Variants in SYN2 observed in about 807,000 individuals in gnomAD.
The protein encoded by SYN2 is synapsin II.
Under a neutral mutation model 50.9 loss-of-function variants are expected in SYN2, and 19 were observed. The ratio of observed to expected loss-of-function variants is 0.37; its 90% CI spans 0.26 to 0.55. The LOEUF (loss-of-function observed/expected upper bound fraction) is 0.55, where lower values mean the gene tolerates loss of function less well. SYN2 is among the 20% of genes least tolerant of loss of function. The pLI, the probability that SYN2 is intolerant of heterozygous loss-of-function variation, is 0.81. For missense variants in SYN2, 587 were observed against 576.4 expected (o/e 1.02, Z -0.19); for synonymous variants, 255 against 224.9 (o/e 1.13, Z -1.20).
At position 12,169,905 on chromosome 3, in the gene SYN2, A is replaced by G. The variant is rs1163511478; in HGVS notation, c.1307A>G (p.Gln436Arg). ...PQRPLTTQQP[Q>R]SGTLKDPDSS... Reference sequence around the variant, plus strand: ...AGACCCCTAACAACCCAGCAGCCACAGGTAAGCAGCTAGGAAGAGACATAG... The same window carrying G: ...AGACCCCTAACAACCCAGCAGCCACGGGTAAGCAGCTAGGAAGAGACATAG... Residue 436 changes from glutamine (Q) to arginine (R), a missense_variant and splice_region_variant, in exon 10 of 13, where the codon CAG (glutamine) becomes CGG (arginine). Transcript: ENST00000621198. 4 of 1,606,180 alleles carry G rather than the reference A, an allele frequency of 2.5e-6. No homozygotes were observed. In the Admixed American group the frequency reaches 6.8e-5, roughly 27 times the overall value.
intron 9 of SYN2, 26 bp from the exon 10 acceptor site, chr3:12,169,731 C>T (rs1175515469): frequency 1.2e-6 from 2 of 1,612,698 alleles, no homozygotes; most frequent in South Asian, 1.1e-5. Flanking sequence ...GACCCCTTTC[C>T]TCACCTGGGA....
intron 6 of SYN2, 110 bp downstream of exon 6, chr3:12,161,718 AAG>A (rs1697653969): frequency 5.2e-6 from 7 of 1,341,188 alleles, no homozygotes; most frequent in Non-Finnish European, 7.3e-6. Context: ...ATTCTTTCCA[AAG>A]AGAAGATGAT....
chr3:12,123,592 G>A (rs550841085), intron 1 of SYN2, among the ~76,000 whole-genome samples: 1 of 152,224 alleles, frequency 6.6e-6, no homozygotes, highest in South Asian at 2.1e-4. Flanking sequence ...AATGTAGTGA[G>A]ACCCTGTGTC....
chr3:12,043,063 C>A (rs1319927871), intron 1 of SYN2, among the ~76,000 whole-genome samples: 4 of 151,284 alleles, frequency 2.6e-5, no homozygotes, highest in African/African-American at 9.8e-5. Context: ...TGCTCTGACA[C>A]CCAGGCTGGA....
chr3:12,106,261 C>G (rs1462505264), intron 1 of SYN2, among the ~76,000 whole-genome samples: 2 of 152,186 alleles, frequency 1.3e-5, no homozygotes, highest in East Asian at 1.9e-4. Flanking sequence ...CTTCAGATCT[C>G]TTCCTCTTCC....
intron 1 of SYN2, among the ~76,000 whole-genome samples, chr3:12,078,385 A>G (rs146741528): frequency 7.2e-5 from 11 of 152,198 alleles, no homozygotes; most frequent in East Asian, 5.8e-4. Context: ...GTCTGTGCCT[A>G]TGTCCTAAAT....
At chr3:12,177,710 TAGA>T (rs1698114017) in intron 10 of SYN2, among the ~76,000 whole-genome samples, 2 of 152,220 alleles carry the variant, frequency 1.3e-5, no homozygotes, top group Non-Finnish European at 2.9e-5. Flanking sequence ...CACTAGTGAC[TAGA>T]TCCCTTAACA....
Position 12,004,868 on chromosome 3 carries a change from C to T in SYN2, c.317C>T (p.Ala106Val). ...GGCCTGGTGGACGCGCCCGCTCCCG[C>T]GCCCGCAGCCGCCAGGAAGGCCAAG... is the stretch of plus-strand genomic sequence containing the variant. ...SAGLVDAPAP[A>V]PAAARKAKVL... Residue 106 changes from alanine (A) to valine (V), a missense_variant, in exon 1 of 13, where the codon GCG becomes GTG. Coordinates refer to ENST00000621198, the MANE Select transcript of SYN2 (RefSeq NM_133625.6). The T allele has an allele frequency of 1.8e-6, 1 of 569,694 alleles. No homozygotes were observed. The highest frequency in any genetic ancestry group is 3.1e-6 in the Non-Finnish European group (1 of 318,470). 35.3% of individuals were successfully genotyped at this position (569,694 alleles called of 1,614,324 possible). A position where few individuals can be genotyped will look rare whatever the true frequency, so the allele number is the denominator to read the frequency against.
chr3:12,005,995 TG>T (rs1338879319), intron 1 of SYN2, among the ~76,000 whole-genome samples: 18 of 129,890 alleles, frequency 1.4e-4, no homozygotes, highest in South Asian at 5.4e-4. Context: ...GCAAGGGTTT[TG>T]TTTTTTTTTT....
intron 1 of SYN2, among the ~76,000 whole-genome samples, chr3:12,050,711 CTTTTTTTT>C (rs57099569): frequency 6.5e-4 from 33 of 50,550 alleles, no homozygotes; most frequent in Non-Finnish European, 1.1e-3. Flanking sequence ...CTTCTCTTCT[CTTTTTTTT>C]TTTTTTTTTT....
intron 1 of SYN2, 72 bp downstream of exon 1, chr3:12,005,000 C>G (rs1693764925): frequency 4.9e-6 from 2 of 411,312 alleles, no homozygotes. Flanking sequence ...AGGACGGTCC[C>G]AGGTCGCCGA....
intron 1 of SYN2, among the ~76,000 whole-genome samples, chr3:12,023,434 C>G (rs549024797): frequency 2.0e-5 from 3 of 151,990 alleles, no homozygotes; most frequent in Admixed American, 6.5e-5. Flanking sequence ...TGTAAGACTT[C>G]TTTAGCTTTT....
intron 1 of SYN2, among the ~76,000 whole-genome samples, chr3:12,140,421 T>C (rs1380917798): frequency 1.3e-5 from 2 of 152,186 alleles, no homozygotes; most frequent in Non-Finnish European, 2.9e-5. Context: ...TAACAAAACC[T>C]GATAATGAAG....
chr3:12,165,863 G>C (rs1158250260), intron 7 of SYN2, among the ~76,000 whole-genome samples: 1 of 152,172 alleles, frequency 6.6e-6, no homozygotes, highest in African/African-American at 2.4e-5. Flanking sequence ...GAATTAGGTA[G>C]TGGAGTGTAG....
At chr3:12,089,805 C>T (rs1010781911) in intron 1 of SYN2, among the ~76,000 whole-genome samples, 14 of 152,004 alleles carry the variant, frequency 9.2e-5, no homozygotes, top group African/African-American at 3.4e-4. Context: ...GAAATGTAGG[C>T]ACGATGTCAT....
At chr3:12,153,485 T>G in intron 5 of SYN2, 1 of 1,611,542 alleles carries the variant, frequency 6.2e-7, no homozygotes, top group South Asian at 1.1e-5. Flanking sequence ...TTCAGGACTC[T>G]TGAAGGGATG....
intron 1 of SYN2, among the ~76,000 whole-genome samples, chr3:12,021,280 T>C (rs1438567229): frequency 6.6e-6 from 1 of 152,222 alleles, no homozygotes; most frequent in Non-Finnish European, 1.5e-5. Context: ...GTAATGTTAC[T>C]ATATTGCAAT....
intron 1 of SYN2, among the ~76,000 whole-genome samples, chr3:12,068,941 C>T (rs1695280768): frequency 6.6e-6 from 1 of 152,210 alleles, no homozygotes; most frequent in African/African-American, 2.4e-5. Context: ...CCTTCTCAGC[C>T]TTAGGTCACC....
intron 1 of SYN2, among the ~76,000 whole-genome samples, chr3:12,069,788 TTTTG>T (rs764264855): frequency 2.0e-5 from 3 of 151,868 alleles, no homozygotes; most frequent in Non-Finnish European, 4.4e-5. Context: ...GGTACCTCGG[TTTTG>T]TTTATTTGTT....
Sources: gnomAD v4.1 joint callset for allele counts (sites outside exome capture counted in the v4.1 genomes callset) on GRCh38, gnomAD v4.1.1 for gene constraint, MANE v1.5 for transcripts, NCBI Gene and HGNC (gene_info 2026-07-23, HGNC 2026-07-21) for gene names.